The following ADCY3 variants were observed in gnomAD, a reference collection of about 807,000 sequenced individuals.
The protein encoded by ADCY3 is adenylate cyclase 3.
Under a neutral mutation model 119.4 loss-of-function variants are expected in ADCY3, and 70 were observed. That is an observed-to-expected ratio of 0.59 (90% CI 0.48 to 0.72). The LOEUF is 0.72. Among genes scored for constraint, ADCY3 ranks in the 30% least tolerant of loss-of-function variants. The pLI, the probability that ADCY3 is intolerant of heterozygous loss-of-function variation, is 0.00. For missense variants in ADCY3, 1,238 were observed against 1,541.6 expected (o/e 0.80, Z 3.30); for synonymous variants, 672 against 621.4 (o/e 1.08, Z -1.21).
chr2:24,874,544 A>C (rs577251020), intron 2 of ADCY3, among the ~76,000 whole-genome samples: 1 of 152,288 alleles, frequency 6.6e-6, no homozygotes, highest in Admixed American at 6.5e-5. Context: ...CTCTCTGGCC[A>C]ACCTGGGAGC....
chr2:24,829,528 C>T (rs1322573523), intron 13 of ADCY3, among the ~76,000 whole-genome samples: 3 of 144,732 alleles, frequency 2.1e-5, no homozygotes, highest in Non-Finnish European at 4.5e-5. Flanking sequence ...TCACGCCATT[C>T]TCCTGCCTCA....
At chr2:24,902,034 C>G (rs551156541) in intron 2 of ADCY3, among the ~76,000 whole-genome samples, 28 of 122,332 alleles carry the variant, frequency 2.3e-4, no homozygotes, top group African/African-American at 7.4e-4. Context: ...CATTTTAACT[C>G]TGTGTGTGTG....
At chr2:24,907,818 A>C (rs1368554572) in intron 2 of ADCY3, among the ~76,000 whole-genome samples, 2 of 151,518 alleles carry the variant, frequency 1.3e-5, no homozygotes, top group African/African-American at 4.9e-5. Context: ...AACATGGCGA[A>C]ACCCCATCTC....
At chr2:24,886,579 C>T (rs559478134) in intron 2 of ADCY3, among the ~76,000 whole-genome samples, 1 of 152,210 alleles carries the variant, frequency 6.6e-6, no homozygotes, top group African/African-American at 2.4e-5. Context: ...CACAGAAACT[C>T]TGAAGCTCAG....
In ADCY3 at chr2:24,834,433, C is replaced by CCCCCCCCCCCCCCCCGA; in HGVS notation, c.1967+51_1967+52insTCGGGGGGGGGGGGGGG. ...GAGACACCTGCCCCCGCCCCCCGCC[C>CCCCCCCCCCCCCCCCGA]GGCACCACCGCAGCCGAGGAAACTC... On this transcript the variant is annotated intron_variant, in intron 11 of 21. Transcript: ENST00000679454. This position sits in a 1 kb window ranked among gnomAD's most constrained non-coding sequence, Gnocchi z 4.2. The CCCCCCCCCCCCCCCCGA allele has an allele frequency of 7.6e-7, 1 of 1,321,876 alleles. No individual in the cohort carries two copies. The highest frequency in any genetic ancestry group is 1.3e-5 in the South Asian group (1 of 79,400). The allele number at this position is 1,321,876 out of a possible 1,614,324, so 81.9% of individuals were successfully genotyped here.
intron 6 of ADCY3, among the ~76,000 whole-genome samples, chr2:24,840,906 A>G (rs1165268753): frequency 6.6e-6 from 1 of 152,206 alleles, no homozygotes; most frequent in East Asian, 1.9e-4. Context: ...GTGAGAAAAC[A>G]CTGAGGAGAG....
At chr2:24,857,006 C>G (rs1447874309) in intron 3 of ADCY3, among the ~76,000 whole-genome samples, 1 of 152,258 alleles carries the variant, frequency 6.6e-6, no homozygotes, top group African/African-American at 2.4e-5. Flanking sequence ...GTCCCCAGAT[C>G]AACAGGCCCC....
At chr2:24,849,368 C>T (rs1672028544) in intron 3 of ADCY3, among the ~76,000 whole-genome samples, 1 of 152,106 alleles carries the variant, frequency 6.6e-6, no homozygotes, top group South Asian at 2.1e-4. Context: ...ACAAAAGTAG[C>T]GGCAGAGGCA....
intron 3 of ADCY3, among the ~76,000 whole-genome samples, chr2:24,863,946 G>A (rs1339605798): frequency 6.6e-6 from 1 of 152,190 alleles, no homozygotes; most frequent in Non-Finnish European, 1.5e-5. Context: ...AAACTTAAGT[G>A]CCTAAGTATA....
intron 2 of ADCY3, among the ~76,000 whole-genome samples, chr2:24,913,471 A>G (rs912094179): frequency 1.3e-5 from 2 of 152,166 alleles, no homozygotes; most frequent in African/African-American, 4.8e-5. Flanking sequence ...GGTTCCAGAG[A>G]AAGAGAGGCT....
intron 2 of ADCY3, among the ~76,000 whole-genome samples, chr2:24,883,482 A>G (rs1676659740): frequency 6.6e-6 from 1 of 152,246 alleles, no homozygotes; most frequent in African/African-American, 2.4e-5. Context: ...GAGTTTTCAC[A>G]TGTTCTGAAA....
chr2:24,831,830 G>A, intron 11 of ADCY3, 81 bp from the exon 12 acceptor site: 1 of 499,726 alleles, frequency 2.0e-6, no homozygotes, highest in Non-Finnish European at 3.8e-6. Context: ...AAGGGACGGG[G>A]ATGGGGGCAG....
chr2:24,856,620 C>G (rs755506461), intron 3 of ADCY3, among the ~76,000 whole-genome samples: 23 of 152,176 alleles, frequency 1.5e-4, no homozygotes, highest in Non-Finnish European at 2.6e-4. Context: ...GATGAGGGGA[C>G]GAAGTACCAC....
intron 2 of ADCY3, among the ~76,000 whole-genome samples, chr2:24,886,887 A>T (rs1677088470): frequency 6.6e-6 from 1 of 152,126 alleles, no homozygotes; most frequent in Non-Finnish European, 1.5e-5. Context: ...GGGCTCTGCT[A>T]GGCAGATGCT....
At position 24,872,342 on chromosome 2, in the gene ADCY3, C is replaced by A. The variant is rs1417949766; in HGVS notation, c.825+228G>T. The stretch of plus-strand genomic sequence containing the variant: ...AGCAGGAAGGCAGAAGAGGAGAGAT[C>A]TGGGTCAAGCAGAAGCAGATTTAGG... On this transcript the variant is annotated intron_variant, in intron 3 of 21. Coordinates refer to ENST00000679454, the MANE Select transcript of ADCY3 (RefSeq NM_004036.5). This position sits in a 1 kb window ranked among gnomAD's most constrained non-coding sequence, Gnocchi z 4.4. Among the ~76,000 whole-genome samples the A allele has an allele frequency of 6.6e-6, 1 of 152,184 alleles. No homozygotes were observed. Among genetic ancestry groups the A allele is most frequent in the Non-Finnish European group, 1.5e-5 (1 of 68,034 alleles).
intron 2 of ADCY3, among the ~76,000 whole-genome samples, chr2:24,881,098 A>C (rs7591460): frequency 0.5 from 76,477 of 151,900 alleles, 21,341 homozygotes; most frequent in African/African-American, 0.76. Flanking sequence ...GCATCTATAA[A>C]AGCAGCACAT....
At chr2:24,857,717 G>A (rs189014443) in intron 3 of ADCY3, among the ~76,000 whole-genome samples, 93 of 152,246 alleles carry the variant, frequency 6.1e-4, no homozygotes, top group African/African-American at 2.1e-3. Flanking sequence ...TGTGACTGGC[G>A]GAAAGCAGAC....
At chr2:24,891,562 C>T (rs990594012) in intron 2 of ADCY3, among the ~76,000 whole-genome samples, 6 of 152,204 alleles carry the variant, frequency 3.9e-5, no homozygotes, top group Admixed American at 3.3e-4. Flanking sequence ...AGCCATAAAG[C>T]GTTTCCTTTA....
In ADCY3 at chr2:24,919,383, C is replaced by A. The variant is rs1365511639; in HGVS notation, c.-197-199G>T. 5.4e-6 allele frequency: 1 copy of A among 185,532 alleles called. No homozygotes were observed. The highest frequency in any genetic ancestry group is 1.1e-5 in the Non-Finnish European group (1 of 88,760). 11.5% of individuals were successfully genotyped at this position (185,532 alleles called of 1,614,324 possible). Reference sequence around the variant, plus strand: ...CACGCCAGACACTCAATTTCCTGTCCCTGGCTTGTGGAAGGGCCTAGCCGC... The same window carrying A: ...CACGCCAGACACTCAATTTCCTGTCACTGGCTTGTGGAAGGGCCTAGCCGC... On this transcript the variant is annotated intron_variant, in intron 1 of 21. Transcript: ENST00000679454. The surrounding 1 kb of genome is among the most constrained non-coding windows in gnomAD (Gnocchi z 5.5).
Sources: allele counts gnomAD v4.1 joint callset (sites outside exome capture counted in the v4.1 genomes callset), GRCh38; gene constraint gnomAD v4.1.1; non-coding constraint Gnocchi (gnomAD v3.1); transcripts MANE v1.5; gene names NCBI Gene and HGNC (gene_info 2026-07-23, HGNC 2026-07-21).